KCNJ6: variants seen among roughly 807,000 people sequenced by gnomAD.
KCNJ6 encodes G protein-activated inward rectifier potassium channel 2.
KCNJ6 carries 9 observed loss-of-function variants against 34.2 expected under a neutral mutation model. That is an observed-to-expected ratio of 0.26 (90% CI 0.16 to 0.46). KCNJ6 has a LOEUF of 0.46. Among genes scored for constraint, KCNJ6 ranks in the 20% least tolerant of loss-of-function variants. The probability of loss-of-function intolerance (pLI) is 1.00; values close to 1 mark genes in which losing one functional copy is unlikely to be tolerated. For synonymous variants in KCNJ6, 196 were observed against 207.1 expected, an observed-to-expected ratio of 0.95 and a Z score of 0.46; for missense variants, 236 against 531.3, an observed-to-expected ratio of 0.44 and a Z score of 5.46.
At chr21:37,630,063 T>G (rs2123366210) in intron 3 of KCNJ6, among the ~76,000 whole-genome samples, 1 of 151,144 alleles carries the variant, frequency 6.6e-6, no homozygotes, top group East Asian at 2.0e-4. Flanking sequence ...TTTACTGAAT[T>G]TGGAAAAGTA....
rs2054294019 is a variant in KCNJ6 at position 37,622,747 on chromosome 21, A to G, written c.*2412T>C. On this transcript the variant is annotated 3_prime_UTR_variant, in exon 4 of 4. Coordinates refer to ENST00000609713, the MANE Select transcript of KCNJ6 (RefSeq NM_002240.5). ...CAGTTGTGCTAAAGGGCAGGCAAGC[A>G]GGGATGAGGCCCTGAGCTGCTTGCT... 6.6e-6 allele frequency: 1 copy of G among 152,250 alleles called. No homozygotes were observed. The highest frequency in any genetic ancestry group is 2.1e-4 in the South Asian group (1 of 4,830). 9.4% of individuals were successfully genotyped at this position (152,250 alleles called of 1,614,324 possible). A position where few individuals can be genotyped will look rare whatever the true frequency, so the allele number is the denominator to read the frequency against.
intron 3 of KCNJ6, among the ~76,000 whole-genome samples, chr21:37,676,042 A>G (rs1268514207): frequency 6.6e-6 from 1 of 152,262 alleles, no homozygotes; most frequent in Non-Finnish European, 1.5e-5. Context: ...CTGCATTTTA[A>G]CAGGGTCCGT....
At position 37,619,416 on chromosome 21, in the gene KCNJ6, T is replaced by G. The variant is rs1013206899; in HGVS notation, c.*5743A>C. On this transcript the variant is annotated 3_prime_UTR_variant, in exon 4 of 4. Coordinates refer to ENST00000609713, the MANE Select transcript of KCNJ6 (RefSeq NM_002240.5). ...GAAAGCGCAAGAAATCCAACAACCC[T>G]TTACTATACTTCCGTGTCTCCCTGA... 2.6e-5 allele frequency: 4 copies of G among 152,222 alleles called. No homozygotes were observed. Among genetic ancestry groups the G allele is most frequent in the Non-Finnish European group, 5.9e-5 (4 of 68,028 alleles). The allele number at this position is 152,222 out of a possible 1,614,324, so 9.4% of individuals were successfully genotyped here. A position where few individuals can be genotyped will look rare whatever the true frequency, so the allele number is the denominator to read the frequency against.
At chr21:37,645,080 T>C (rs1362015000) in intron 3 of KCNJ6, among the ~76,000 whole-genome samples, 3 of 151,162 alleles carry the variant, frequency 2.0e-5, no homozygotes, top group Admixed American at 1.3e-4. Flanking sequence ...AAGCAATAGA[T>C]TTTTTAAAAC....
chr21:37,906,197 G>C (rs909208874), intron 1 of KCNJ6, among the ~76,000 whole-genome samples: 2 of 152,188 alleles, frequency 1.3e-5, no homozygotes, highest in Non-Finnish European at 2.9e-5. Context: ...CATAATCTTT[G>C]CAACTTAGTG....
intron 3 of KCNJ6, among the ~76,000 whole-genome samples, chr21:37,630,344 C>A (rs1370088069): frequency 6.6e-6 from 1 of 152,100 alleles, no homozygotes; most frequent in Non-Finnish European, 1.5e-5. Flanking sequence ...ATTGTGAATG[C>A]CTTGAGGATC....
chr21:37,688,721 C>T (rs916229430), intron 3 of KCNJ6, among the ~76,000 whole-genome samples: 5 of 152,134 alleles, frequency 3.3e-5, no homozygotes, highest in African/African-American at 1.2e-4. Context: ...AGATAAGGCA[C>T]CAGAGATTAT....
intron 1 of KCNJ6, among the ~76,000 whole-genome samples, chr21:37,872,573 C>A (rs1235941933): frequency 1.3e-5 from 2 of 152,172 alleles, no homozygotes; most frequent in African/African-American, 4.8e-5. Flanking sequence ...TTTGCCCAAC[C>A]TTCTGATCAT....
In KCNJ6 at chr21:37,685,204, T is replaced by G. The variant is rs528708943; in HGVS notation, c.946+29007A>C. 5.3e-4 allele frequency among the ~76,000 whole-genome samples: 81 copies of G among 152,264 alleles called. 2 individuals carry two copies. The highest frequency in any genetic ancestry group is 1.9e-4 in the Non-Finnish European group (13 of 68,032). ...AACACGAATGACACCCGTTTTCACTTATCCTACTGGCAAAGATCAATGAGT... is the reference window on the plus strand; with the variant it reads ...AACACGAATGACACCCGTTTTCACTGATCCTACTGGCAAAGATCAATGAGT... On this transcript the variant is annotated intron_variant, in intron 3 of 3. Transcript: ENST00000609713.
chr21:37,717,449 A>G (rs927490583), intron 2 of KCNJ6, among the ~76,000 whole-genome samples: 1 of 151,088 alleles, frequency 6.6e-6, no homozygotes, highest in African/African-American at 2.4e-5. Context: ...ATGGAGGCAA[A>G]GGCCATGTCC....
At chr21:37,637,851 G>C (rs766868853) in intron 3 of KCNJ6, among the ~76,000 whole-genome samples, 4 of 152,192 alleles carry the variant, frequency 2.6e-5, no homozygotes, top group Non-Finnish European at 5.9e-5. Flanking sequence ...GCCGTGTGAG[G>C]ACACAGCAAG....
chr21:37,908,333 A>G (rs930674625), intron 1 of KCNJ6, among the ~76,000 whole-genome samples: 13 of 152,218 alleles, frequency 8.5e-5, no homozygotes, highest in Admixed American at 3.9e-4. Context: ...TTTCTCCTTG[A>G]GGGAAGCAGA....
Position 37,714,854 on chromosome 21 carries a change from T to A in KCNJ6, c.303A>T (p.Thr101=). ...FNLLIFVMVY[T]VTWLFFGMIW... The stretch of plus-strand genomic sequence containing the variant: ...TCATTCCAAAAAAGAGCCAGGTCAC[T>A]GTGTAAACCATGACAAAAATCAATA... The change falls in exon 3 of 4, where the codon ACA becomes ACT. Residue 101 remains threonine (T), a synonymous_variant. Transcript: ENST00000609713. The surrounding 1 kb of genome is among the most constrained non-coding windows in gnomAD (Gnocchi z 5.9). 6.2e-7 allele frequency: 1 copy of A among 1,614,234 alleles called. No homozygotes were observed. Among genetic ancestry groups the A allele is most frequent in the Non-Finnish European group, 8.5e-7 (1 of 1,180,038 alleles).
intron 1 of KCNJ6, among the ~76,000 whole-genome samples, chr21:37,853,863 A>ATATATATATATATATATATATAT (rs1568872544): frequency 2.6e-5 from 1 of 38,848 alleles, no homozygotes; most frequent in African/African-American, 2.1e-4. Context: ...TATATATATA[A>ATATATATATATATATATATATAT]ATTACATTGT....
At chr21:37,825,572 A>G (rs1474511844) in intron 2 of KCNJ6, among the ~76,000 whole-genome samples, 2 of 152,200 alleles carry the variant, frequency 1.3e-5, no homozygotes, top group Admixed American at 1.3e-4. Context: ...GTTCACCTTT[A>G]GTATGTTCTG....
chr21:37,650,467 C>A (rs936221834), intron 3 of KCNJ6, among the ~76,000 whole-genome samples: 1 of 152,198 alleles, frequency 6.6e-6, no homozygotes, highest in Non-Finnish European at 1.5e-5. Flanking sequence ...ATAACTGCCT[C>A]GCTGTGGGCT....
chr21:37,891,150 T>C (rs2055760090), intron 1 of KCNJ6, among the ~76,000 whole-genome samples: 2 of 152,134 alleles, frequency 1.3e-5, no homozygotes, highest in South Asian at 4.1e-4. Context: ...TCCTCCTTGC[T>C]TTCATAGGAT....
intron 2 of KCNJ6, among the ~76,000 whole-genome samples, chr21:37,756,240 T>C (rs1446138063): frequency 6.6e-6 from 1 of 152,174 alleles, no homozygotes; most frequent in Non-Finnish European, 1.5e-5. Context: ...GGAAAACTGA[T>C]GCAAATAAAA....
chr21:37,895,139 C>T (rs1403522924), intron 1 of KCNJ6, among the ~76,000 whole-genome samples: 3 of 152,168 alleles, frequency 2.0e-5, no homozygotes, highest in Non-Finnish European at 4.4e-5. Flanking sequence ...ACAGAACTTC[C>T]AAGCTATAGC....
Sources: gnomAD v4.1 joint callset for allele counts (sites outside exome capture counted in the v4.1 genomes callset) on GRCh38, gnomAD v4.1.1 for gene constraint, Gnocchi (gnomAD v3.1) non-coding constraint, MANE v1.5 for transcripts, NCBI Gene and HGNC (gene_info 2026-07-23, HGNC 2026-07-21) for gene names.